Variants in TLR7 observed in about 807,000 individuals in gnomAD.
TLR7 encodes the protein toll-like receptor 7.
A neutral mutation model predicts 38.3 loss-of-function variants in TLR7; 12 were observed. That is an observed-to-expected ratio of 0.31 (90% CI 0.20 to 0.51). The LOEUF is 0.51. Ranked by LOEUF, TLR7 falls within the 20% of genes least tolerant of loss-of-function variation. TLR7 has a pLI of 0.98. For synonymous variants in TLR7, 285 were observed against 293.8 expected, an observed-to-expected ratio of 0.97 and a Z score of 0.31; for missense variants, 504 against 743.4, an observed-to-expected ratio of 0.68 and a Z score of 3.74.
chrX:12,881,657 G>C (rs1362984071), intron 2 of TLR7, among the ~76,000 whole-genome samples: 2 of 108,031 alleles, frequency 1.9e-5, no homozygotes, highest in Non-Finnish European at 3.8e-5. Context: ...GAAATTTTGT[G>C]TGTTTGATTA....
chrX:12,874,834 T>C (rs2042865105), intron 2 of TLR7, among the ~76,000 whole-genome samples: 1 of 112,354 alleles, frequency 8.9e-6, no homozygotes, highest in Non-Finnish European at 1.9e-5. Context: ...TTCCATCTAA[T>C]AGTTCCCAGT....
At chrX:12,881,474 A>AAAT (rs1483408565) in intron 2 of TLR7, among the ~76,000 whole-genome samples, 1 of 106,570 alleles carries the variant, frequency 9.4e-6, no homozygotes, top group African/African-American at 3.4e-5. Flanking sequence ...AATAAATAAT[A>AAAT]AACTGAGTTA....
intron 2 of TLR7, among the ~76,000 whole-genome samples, chrX:12,878,134 C>T (rs2042879554): frequency 8.9e-6 from 1 of 112,101 alleles, no homozygotes; most frequent in Non-Finnish European, 1.9e-5. Context: ...CTAGGTCTCA[C>T]CTCAGCATTA....
At chrX:12,882,436 A>C (rs2042895910) in intron 2 of TLR7, among the ~76,000 whole-genome samples, 1 of 109,226 alleles carries the variant, frequency 9.2e-6, no homozygotes, top group Admixed American at 9.8e-5. Flanking sequence ...GCGAGAAAAA[A>C]GTTTAGAAAT....
At chrX:12,879,037 T>C (rs773248286) in intron 2 of TLR7, among the ~76,000 whole-genome samples, 110 of 112,216 alleles carry the variant, frequency 9.8e-4, no homozygotes, top group Admixed American at 3.1e-3. Flanking sequence ...AGAGCACAAC[T>C]GTATTTCCTT....
chrX:12,875,956 AT>A (rs60411052), intron 2 of TLR7, among the ~76,000 whole-genome samples: 10,742 of 95,540 alleles, frequency 0.11, 492 homozygotes, highest in African/African-American at 0.19. Flanking sequence ...TAAACACACC[AT>A]TTTTTTTTTT....
chrX:12,878,732 C>T (rs951305795), intron 2 of TLR7, among the ~76,000 whole-genome samples: 2 of 109,762 alleles, frequency 1.8e-5, no homozygotes, highest in Non-Finnish European at 3.8e-5. Flanking sequence ...TCGGTGCTCC[C>T]CTCTCTCAAT....
At chrX:12,879,688 G>A (rs1164075972) in intron 2 of TLR7, among the ~76,000 whole-genome samples, 1 of 111,759 alleles carries the variant, frequency 8.9e-6, no homozygotes, top group Non-Finnish European at 1.9e-5. Flanking sequence ...ACCGTTTAAG[G>A]ACATGTCCCA....
chrX:12,888,414 T>G lies in TLR7; in HGVS notation c.2906T>G (p.Ile969Arg). 1.7e-6 allele frequency: 2 copies of G among 1,211,917 alleles called. No individual in the cohort carries two copies. The highest frequency in any genetic ancestry group is 2.2e-6 in the Non-Finnish European group (2 of 895,503). ...DKYAKTENFKIAFYLSHQRLM... is the reference protein window; with the variant it reads ...DKYAKTENFKRAFYLSHQRLM... ...TATGCAAAGACTGAAAATTTTAAGA[T>G]AGCATTTTACTTGTCCCATCAGAGG... The change falls in exon 3 of 3, where the codon ATA (isoleucine) becomes AGA (arginine). Residue 969 changes from isoleucine (I) to arginine (R), a missense_variant. By Grantham distance (97) the Ile-to-Arg change is moderately conservative (BLOSUM62 -3). Coordinates refer to ENST00000380659, the MANE Select transcript of TLR7 (RefSeq NM_016562.4).
chrX:12,883,597 G>A (rs1436613319), intron 2 of TLR7, among the ~76,000 whole-genome samples: 2 of 111,413 alleles, frequency 1.8e-5, no homozygotes, highest in Non-Finnish European at 3.8e-5. Flanking sequence ...TGGGACGATC[G>A]CTTGAGCCTG....
Position 12,887,110 on chromosome X carries a change from T to C in TLR7, c.1602T>C (p.Asn534=), listed in dbSNP as rs1259652414. Reference sequence around the variant, plus strand: ...GAAATCTCATTAGCCAAACTCTTAATGGCAGTGAATTCCAACCTTTAGCAG... The same window carrying C: ...GAAATCTCATTAGCCAAACTCTTAACGGCAGTGAATTCCAACCTTTAGCAG... ...LSGNLISQTL[N]GSEFQPLAEL... is the part of the protein sequence containing the mutation. The change falls in exon 3 of 3, where the codon AAT becomes AAC. Residue 534 remains asparagine, a synonymous_variant. Coordinates refer to ENST00000380659, the MANE Select transcript of TLR7 (RefSeq NM_016562.4). The C allele has an allele frequency of 2.5e-6, 3 of 1,209,988 alleles. No individual in the cohort carries two copies. Among genetic ancestry groups the C allele is most frequent in the Non-Finnish European group, 3.4e-6 (3 of 895,085 alleles).
Position 12,875,772 on chromosome X carries a change from G to A in TLR7, c.3+8191G>A, listed in dbSNP as rs1287449405. On this transcript the variant is annotated intron_variant, in intron 2 of 2. Transcript: ENST00000380659. ...GATTGTGAGGCCTCCTCAGTCATGTGGAACTGTGAGTCCATTAAATCTCTT... is the reference window on the plus strand; with the variant it reads ...GATTGTGAGGCCTCCTCAGTCATGTAGAACTGTGAGTCCATTAAATCTCTT... Among the ~76,000 whole-genome samples the A allele has an allele frequency of 3.6e-5, 4 of 111,923 alleles. No homozygotes were observed. In the Admixed American group the frequency reaches 3.8e-4, roughly 11 times the overall value.
chrX:12,885,949 G>A lies in TLR7; in HGVS notation c.441G>A (p.Pro147=), dbSNP rs200048239. Residue 147 remains proline, a synonymous_variant, in exon 3 of 3, where the codon CCG becomes CCA. Transcript: ENST00000380659. ...TACTAGAGATACCGCAGGGCCTCCCGCCTAGCTTACAGCTTCTCAGCCTTG... is the reference window on the plus strand; with the variant it reads ...TACTAGAGATACCGCAGGGCCTCCCACCTAGCTTACAGCTTCTCAGCCTTG... ...NQLLEIPQGL[P]PSLQLLSLEA... 2.6e-5 allele frequency: 31 copies of A among 1,210,227 alleles called. No individual in the cohort carries two copies. Among genetic ancestry groups the A allele is most frequent in the Admixed American group, 2.0e-4 (9 of 45,782 alleles).
At chrX:12,877,681 A>G (rs915029672) in intron 2 of TLR7, 2 of 110,741 alleles carry the variant, frequency 1.8e-5, no homozygotes, top group Admixed American at 9.7e-5. Context: ...TTTCAGGTTC[A>G]AAGGGACAGA....
At chrX:12,877,945 A>G (rs183334854) in intron 2 of TLR7, among the ~76,000 whole-genome samples, 2 of 112,175 alleles carry the variant, frequency 1.8e-5, no homozygotes, top group East Asian at 5.6e-4. Flanking sequence ...TGGTTTACTC[A>G]GCAAATATTT....
intron 2 of TLR7, among the ~76,000 whole-genome samples, chrX:12,880,607 C>G (rs1014152263): frequency 3.6e-5 from 4 of 110,241 alleles, no homozygotes; most frequent in Non-Finnish European, 5.8e-5. Context: ...ACTGAAGGAA[C>G]CTACTCAAAG....
At chrX:12,884,623 T>C (rs2042903583) in intron 2 of TLR7, among the ~76,000 whole-genome samples, 1 of 112,329 alleles carries the variant, frequency 8.9e-6, no homozygotes, top group African/African-American at 3.2e-5. Context: ...ATCATCTTTA[T>C]GGGTAGTTTC....
At chrX:12,880,547 G>A (rs2042887664) in intron 2 of TLR7, among the ~76,000 whole-genome samples, 1 of 111,914 alleles carries the variant, frequency 8.9e-6, no homozygotes, top group Non-Finnish European at 1.9e-5. Flanking sequence ...GGAATCCCTG[G>A]GCAGATAGAA....
At chrX:12,869,109 C>T (rs1040459638) in intron 2 of TLR7, among the ~76,000 whole-genome samples, 2 of 111,819 alleles carry the variant, frequency 1.8e-5, no homozygotes, top group Non-Finnish European at 3.8e-5. Flanking sequence ...GAAGACTCTT[C>T]TGTTCTTCCT....
Sources: gnomAD v4.1 joint callset for allele counts (sites outside exome capture counted in the v4.1 genomes callset) on GRCh38, gnomAD v4.1.1 for gene constraint, MANE v1.5 for transcripts, NCBI Gene and HGNC (gene_info 2026-07-23, HGNC 2026-07-21) for gene names.